The following DHX30 variants were observed in gnomAD, a reference collection of about 807,000 sequenced individuals.
DHX30 encodes ATP-dependent RNA helicase DHX30.
Under a neutral mutation model 116.9 loss-of-function variants are expected in DHX30, and 4 were observed. The ratio of observed to expected loss-of-function variants is 0.03; its 90% CI spans 0.02 to 0.08. The LOEUF (loss-of-function observed/expected upper bound fraction) is 0.08. DHX30 is among the 10% of genes least tolerant of loss of function. The pLI is 1.00. For synonymous variants in DHX30, 697 were observed against 651.7 expected, an observed-to-expected ratio of 1.07 and a Z score of -1.06; for missense variants, 871 against 1,595.1, an observed-to-expected ratio of 0.55 and a Z score of 7.73.
At chr3:47,809,306 A>G (rs1317145567) in intron 2 of DHX30, among the ~76,000 whole-genome samples, 1 of 133,780 alleles carries the variant, frequency 7.5e-6, no homozygotes, top group East Asian at 2.1e-4. Flanking sequence ...CAGTGGCACA[A>G]TCTTGGCTCA....
intron 5 of DHX30, among the ~76,000 whole-genome samples, chr3:47,827,788 C>A (rs1248936476): frequency 2.0e-5 from 3 of 152,178 alleles, no homozygotes; most frequent in Non-Finnish European, 4.4e-5. Context: ...CTTGCCCTTA[C>A]AGTCTTATAG....
intron 4 of DHX30, among the ~76,000 whole-genome samples, chr3:47,819,801 A>G (rs1304132662): frequency 1.3e-5 from 2 of 152,124 alleles, no homozygotes; most frequent in South Asian, 2.1e-4. Flanking sequence ...TCCACTGCCA[A>G]TGTCTTCCCA....
Position 47,847,548 on chromosome 3 carries a change from G to C in DHX30, c.2110+12G>C. On this transcript the variant is annotated intron_variant, in intron 13 of 21. Transcript: ENST00000445061. The surrounding 1 kb of genome is among the most constrained non-coding windows in gnomAD (Gnocchi z 5.5). Reference sequence around the variant, plus strand: ...CCTCATCCTGCCAGGTGAGAGCCCCGGCGGAGGGACCAGGGACCTTTGGAA... The same window carrying C: ...CCTCATCCTGCCAGGTGAGAGCCCCCGCGGAGGGACCAGGGACCTTTGGAA... 6.3e-7 allele frequency: 1 copy of C among 1,585,560 alleles called. No homozygotes were observed. Among genetic ancestry groups the C allele is most frequent in the Non-Finnish European group, 8.6e-7 (1 of 1,165,370 alleles).
At chr3:47,825,214 G>T in intron 4 of DHX30, 2 of 640,874 alleles carry the variant, frequency 3.1e-6, no homozygotes, top group Non-Finnish European at 5.6e-6. Context: ...GGCCCCCGGC[G>T]GGCCTGGGGA....
rs1576455372 is a variant in DHX30, at chr3:47,807,200, CTG to C, written c.-28+1782_-28+1783del. On this transcript the variant is annotated intron_variant, in intron 2 of 21. Coordinates refer to ENST00000445061, the MANE Select transcript of DHX30 (RefSeq NM_138615.3). ...CAGCCTGGGCAACAAGAGCAACACT[CTG>C]TCTCAAAACAAAACACCATTACTGA... is the stretch of plus-strand genomic sequence containing the variant. 2.6e-5 allele frequency among the ~76,000 whole-genome samples: 4 copies of C among 151,660 alleles called. 1 individual carries two copies. The East Asian group carries it at 7.9e-4, about 30-fold the overall frequency.
At chr3:47,806,725 G>T (rs1310063171) in intron 2 of DHX30, among the ~76,000 whole-genome samples, 1 of 152,060 alleles carries the variant, frequency 6.6e-6, no homozygotes, top group East Asian at 2.0e-4. Context: ...GATTACAGGA[G>T]TGAGCCACTG....
At chr3:47,822,427 A>G (rs1576477396) in intron 4 of DHX30, 1 of 152,324 alleles carries the variant, frequency 6.6e-6, no homozygotes, top group East Asian at 1.9e-4. Context: ...CCTCACAACC[A>G]TGGTGAAAGG....
At chr3:47,817,961 A>G in intron 3 of DHX30, 61 bp from the exon 4 acceptor site, 1 of 780,660 alleles carries the variant, frequency 1.3e-6, no homozygotes, top group Non-Finnish European at 2.4e-6. Flanking sequence ...GAGTCAGTTC[A>G]GGGGTCTGTG....
At chr3:47,838,710 C>T (rs9841020) in intron 6 of DHX30, among the ~76,000 whole-genome samples, 6,369 of 152,226 alleles carry the variant, frequency 0.042, 445 homozygotes, top group African/African-American at 0.14. Context: ...CTTGCTGTCC[C>T]GCAGACTTTG....
intron 4 of DHX30, among the ~76,000 whole-genome samples, chr3:47,821,774 T>A (rs2036311807): frequency 6.6e-6 from 1 of 151,870 alleles, no homozygotes; most frequent in Admixed American, 6.6e-5. Flanking sequence ...AATTTCTGTA[T>A]TTTTAGTAGA....
chr3:47,846,967 AGCACCAGTACCT>A lies in DHX30; in HGVS notation c.1901_1912del (p.Gln634_His637del). The A allele has an allele frequency of 6.2e-7, 1 of 1,613,422 alleles. No homozygotes were observed. Among genetic ancestry groups the A allele is most frequent in the Non-Finnish European group, 8.5e-7 (1 of 1,179,974 alleles). On this transcript the variant is annotated inframe_deletion, in exon 11 of 22. Coordinates refer to ENST00000445061, the MANE Select transcript of DHX30 (RefSeq NM_138615.3). The stretch of plus-strand genomic sequence containing the variant: ...GAGGACATCCTGGCCAAGTTGGGCA[AGCACCAGTACCT>A]GCACCGGCACCGGCACCATGAGGTG...
At chr3:47,803,409 C>T (rs940389051) in intron 1 of DHX30, among the ~76,000 whole-genome samples, 197 bp downstream of exon 1, 2 of 152,066 alleles carry the variant, frequency 1.3e-5, no homozygotes, top group Non-Finnish European at 2.9e-5. Context: ...CCGTGGGCAG[C>T]CAGGCCTCGG....
At chr3:47,837,577 A>G (rs890559621) in intron 6 of DHX30, among the ~76,000 whole-genome samples, 3 of 152,188 alleles carry the variant, frequency 2.0e-5, no homozygotes, top group Non-Finnish European at 2.9e-5. Context: ...CCTGGCCGAC[A>G]TGGTGAAACC....
intron 4 of DHX30, among the ~76,000 whole-genome samples, chr3:47,825,613 A>C (rs2036518435): frequency 6.6e-6 from 1 of 152,248 alleles, no homozygotes; most frequent in African/African-American, 2.4e-5. Context: ...CTGGGACATC[A>C]GGATCTCAAA....
intron 3 of DHX30, chr3:47,817,055 A>G: frequency 1.5e-6 from 1 of 671,966 alleles, no homozygotes; most frequent in Non-Finnish European, 1.8e-6. Context: ...CTCTTTACCA[A>G]TTGTATATGA....
rs1576515471 is a variant in DHX30, at chr3:47,845,242, C to T, written c.940-458C>T. Among the ~76,000 whole-genome samples the T allele has an allele frequency of 2.0e-5, 3 of 152,234 alleles. No individual in the cohort carries two copies. In the Middle Eastern group the frequency reaches 0.01, roughly 521 times the overall value. The stretch of plus-strand genomic sequence containing the variant: ...TCGCTCTGTCGCCCAGGCTGGAGTG[C>T]ACCGTCATGATCTCGGCTCACTGCA... On this transcript the variant is annotated intron_variant, in intron 9 of 21. Coordinates refer to ENST00000445061, the MANE Select transcript of DHX30 (RefSeq NM_138615.3).
intron 4 of DHX30, among the ~76,000 whole-genome samples, chr3:47,821,805 G>T (rs2036313012): frequency 6.6e-6 from 1 of 151,346 alleles, no homozygotes; most frequent in African/African-American, 2.4e-5. Context: ...CACCACACTG[G>T]CCAGGCTGGC....
chr3:47,813,297 C>T (rs1054817611), intron 3 of DHX30, among the ~76,000 whole-genome samples: 4 of 152,128 alleles, frequency 2.6e-5, no homozygotes, highest in South Asian at 4.1e-4. Flanking sequence ...GAGCCGAGAT[C>T]GCGCCACTGT....
In DHX30 at chr3:47,843,127, G is replaced by A; in HGVS notation, c.811G>A (p.Val271Met). Residue 271 changes from valine to methionine, a missense_variant, in exon 9 of 22, where the codon GTG becomes ATG. Physicochemically the swap from Val to Met is conservative, Grantham distance 21. This residue lies in a region of DHX30 where 175 missense variants were observed against 292.9 expected (regional missense o/e 0.60). Transcript: ENST00000445061. ...TAKNLMQFHTVGTKTKLSTLT... is the reference protein window; with the variant it reads ...TAKNLMQFHTMGTKTKLSTLT... ...GTAGAACCTCATGCAGTTCCATACT[G>A]TGGGCACCAAGACCAAGCTGTCTAC... The A allele has an allele frequency of 6.2e-7, 1 of 1,614,184 alleles. No individual in the cohort carries two copies. The highest frequency in any genetic ancestry group is 8.5e-7 in the Non-Finnish European group (1 of 1,180,034).
Sources: gnomAD v4.1 joint callset for allele counts (sites outside exome capture counted in the v4.1 genomes callset) on GRCh38, gnomAD v4.1.1 for gene constraint, gnomAD v4.1.1 regional missense constraint, Gnocchi (gnomAD v3.1) non-coding constraint, MANE v1.5 for transcripts, NCBI Gene and HGNC (gene_info 2026-07-23, HGNC 2026-07-21) for gene names.